DNAH10: variants seen among roughly 807,000 people sequenced by gnomAD.
DNAH10 encodes dynein axonemal heavy chain 10.
Under a neutral mutation model 506.6 loss-of-function variants are expected in DNAH10, and 348 were observed. The ratio of observed to expected loss-of-function variants is 0.69; its 90% confidence interval spans 0.63 to 0.75. The LOEUF is 0.75. Among genes scored for constraint, DNAH10 ranks in the 30% least tolerant of loss-of-function variants. The pLI, the probability that DNAH10 is intolerant of heterozygous loss-of-function variation, is 0.00. For missense variants in DNAH10, 5,179 were observed against 5,787.1 expected (o/e 0.89, Z 3.41); for synonymous variants, 2,059 against 2,198.6 (o/e 0.94, Z 1.78).
chr12:123,789,868 T>C, intron 10 of DNAH10, 59 bp from the exon 11 acceptor site: 3 of 1,489,734 alleles, frequency 2.0e-6, no homozygotes, highest in East Asian at 4.6e-5. Context: ...CATTTGTAGT[T>C]CTAATATTCA....
intron 24 of DNAH10, among the ~76,000 whole-genome samples, chr12:123,826,194 A>G (rs1959975894): frequency 6.6e-6 from 1 of 152,200 alleles, no homozygotes; most frequent in Non-Finnish European, 1.5e-5. Context: ...TCTCTTTACA[A>G]TCATCAAGTA....
intron 21 of DNAH10, among the ~76,000 whole-genome samples, chr12:123,817,134 G>T (rs2136388248): frequency 8.5e-6 from 1 of 117,924 alleles, no homozygotes; most frequent in African/African-American, 3.3e-5. Context: ...CTGCTTTTAA[G>T]AATTTTTTTT....
chr12:123,865,913 A>G, intron 40 of DNAH10, 38 bp from the exon 41 acceptor site: 2 of 1,565,300 alleles, frequency 1.3e-6, no homozygotes, highest in Non-Finnish European at 1.7e-6. Context: ...TATCTTGTGT[A>G]TAGCTATAGC....
Position 123,848,748 on chromosome 12 carries a change from T to C in DNAH10, c.5968T>C (p.Ser1990Pro). The C allele has an allele frequency of 1.2e-6, 2 of 1,613,986 alleles. No individual in the cohort carries two copies. The highest frequency in any genetic ancestry group is 1.1e-5 in the South Asian group (1 of 91,076). Residue 1990 changes from serine to proline, a missense_variant, in exon 34 of 79, where the codon TCT becomes CCT. By Grantham distance (74) the Ser-to-Pro change is moderately conservative. This residue lies in a region of DNAH10 where 4,844 missense variants were observed against 5,430.5 expected (regional missense o/e 0.89). Coordinates refer to ENST00000673944, the MANE Select transcript of DNAH10 (RefSeq NM_001372106.1). ...MDYRAVGKIFSGLAQCGAWGC... is the reference protein window; with the variant it reads ...MDYRAVGKIFPGLAQCGAWGC... ...TTCCTAGGCCGTGGGGAAGATTTTCTCTGGCCTGGCACAGTGCGGGGCTTG... is the reference window on the plus strand; with the variant it reads ...TTCCTAGGCCGTGGGGAAGATTTTCCCTGGCCTGGCACAGTGCGGGGCTTG...
At chr12:123,780,942 CAAA>C (rs376709809) in intron 5 of DNAH10, 135 bp from the exon 6 acceptor site, 2,790 of 331,298 alleles carry the variant, frequency 8.4e-3, no homozygotes, top group South Asian at 0.012. Context: ...GACTCTGTCT[CAAA>C]AAAAAAAAAA....
intron 11 of DNAH10, among the ~76,000 whole-genome samples, chr12:123,792,511 G>A (rs1958119203): frequency 6.8e-6 from 1 of 147,638 alleles, no homozygotes; most frequent in Non-Finnish European, 1.5e-5. Context: ...CCAGGCTGGA[G>A]TGTAATGGCG....
At chr12:123,868,556 G>A (rs1420370968) in intron 43 of DNAH10, among the ~76,000 whole-genome samples, 1 of 152,194 alleles carries the variant, frequency 6.6e-6, no homozygotes, top group Non-Finnish European at 1.5e-5. Context: ...GTGTGGATTT[G>A]TAAATCGTTC....
chr12:123,772,724 T>G, intron 3 of DNAH10, 110 bp from the exon 4 acceptor site: 736 of 787,812 alleles, frequency 9.3e-4, no homozygotes, highest in Non-Finnish European at 1.2e-3. Context: ...TGTCAGAACA[T>G]GAGACCAGCC....
intron 15 of DNAH10, 62 bp downstream of exon 15, chr12:123,800,450 C>G (rs112230996): frequency 6.8e-7 from 1 of 1,478,850 alleles, no homozygotes; most frequent in African/African-American, 1.4e-5. Context: ...CCTTTACGCT[C>G]TTAAAAATTA....
intron 27 of DNAH10, among the ~76,000 whole-genome samples, chr12:123,834,840 G>A (rs922952846): frequency 6.6e-6 from 1 of 152,200 alleles, no homozygotes; most frequent in East Asian, 1.9e-4. Context: ...CCATGTTGTA[G>A]CATGTGTCAG....
At chr12:123,777,360 C>T (rs1031037430) in intron 5 of DNAH10, among the ~76,000 whole-genome samples, 2 of 152,204 alleles carry the variant, frequency 1.3e-5, no homozygotes, top group African/African-American at 4.8e-5. Context: ...GGGAGGGGCC[C>T]GCCGTGCCAC....
In DNAH10 at chr12:123,853,436, T is replaced by C; in HGVS notation, c.6438+84T>C. ...GCCATTGGGGAGGTGATGGGCACAG[T>C]ATGGTATCACCTGAAAGGTTTAAGT... is the stretch of plus-strand genomic sequence containing the variant. On this transcript the variant is annotated intron_variant, in intron 36 of 78. Transcript: ENST00000673944. This position sits in a 1 kb window ranked among gnomAD's most constrained non-coding sequence, Gnocchi z 4.7. 2.7e-6 allele frequency: 4 copies of C among 1,480,992 alleles called. No individual in the cohort carries two copies. In the East Asian group the frequency reaches 9.7e-5, roughly 36 times the overall value. The allele number at this position is 1,480,992 out of a possible 1,614,324, so 91.7% of individuals were successfully genotyped here.
rs374159649 is a variant in DNAH10 at position 123,861,024 on chromosome 12, G to A, written c.6762G>A (p.Thr2254=). 9.3e-6 allele frequency: 15 copies of A among 1,613,820 alleles called. No individual in the cohort carries two copies. The highest frequency in any genetic ancestry group is 8.8e-5 in the South Asian group (8 of 91,074). The change falls in exon 39 of 79, where the codon ACG becomes ACA. Residue 2254 remains threonine, a synonymous_variant. Coordinates refer to ENST00000673944, the MANE Select transcript of DNAH10 (RefSeq NM_001372106.1). ...TCTCTTGATTTAGGCTTGGGCTGAC[G>A]ACAAAGTTGTACATCCTGAACCCCA... The part of the protein sequence containing the change: ...LCQAQTKLGL[T]TKLYILNPKA...
rs1436542638 is a variant in DNAH10 at position 123,935,538 on chromosome 12, C to T, written c.*57C>T. 7.6e-6 allele frequency: 11 copies of T among 1,448,804 alleles called. No individual in the cohort carries two copies. The highest frequency in any genetic ancestry group is 3.8e-5 in the South Asian group (3 of 78,274). The allele number at this position is 1,448,804 out of a possible 1,614,324, so 89.7% of individuals were successfully genotyped here. A position where few individuals can be genotyped will look rare whatever the true frequency, so the allele number is the denominator to read the frequency against. ...CGGAGCCTGGGGTTGTCAGAGTGAT[C>T]GGGTCTGCTGTCATTTCTTGGGGCC... On this transcript the variant is annotated 3_prime_UTR_variant, in exon 79 of 79. Transcript: ENST00000673944.
chr12:123,908,791 C>G (rs1264296833), intron 57 of DNAH10, among the ~76,000 whole-genome samples: 1 of 152,054 alleles, frequency 6.6e-6, no homozygotes, highest in East Asian at 1.9e-4. Flanking sequence ...GTCAGCACAG[C>G]CAGTCATGCA....
In DNAH10 at chr12:123,877,829, C is replaced by G. The variant is rs1410496087; in HGVS notation, c.8293C>G (p.Pro2765Ala). Residue 2765 changes from proline to alanine, a missense_variant, in exon 48 of 79, where the codon CCG becomes GCG. Physicochemically the swap from Pro to Ala is conservative, Grantham distance 27. This residue lies in a region of DNAH10 where 4,844 missense variants were observed against 5,430.5 expected (regional missense o/e 0.89). Transcript: ENST00000673944. Reference protein sequence around the residue: ...KNIVQDLPPTPSKFHYIFNLR... With the variant: ...KNIVQDLPPTASKFHYIFNLR... ...TATTGTGCAAGACCTACCTCCCACT[C>G]CGTCAAAGTTCCATTACATCTTCAA... is the stretch of plus-strand genomic sequence containing the variant. 13 of 1,613,892 alleles carry G rather than the reference C, an allele frequency of 8.1e-6. No individual in the cohort carries two copies. The highest frequency in any genetic ancestry group is 1.6e-4 in the Middle Eastern group (1 of 6,084).
intron 5 of DNAH10, among the ~76,000 whole-genome samples, chr12:123,780,149 TTCTCTCTCTC>T (rs59003958): frequency 7.5e-6 from 1 of 133,238 alleles, no homozygotes; most frequent in African/African-American, 2.9e-5. Flanking sequence ...CCTCCCTCCT[TTCTCTCTCTC>T]TCTCTCTCTC....
rs139090112 is a variant in DNAH10, at chr12:123,827,909, G to A, written c.4391+1011G>A. Among the ~76,000 whole-genome samples, 162 of 152,104 alleles carry A rather than the reference G, an allele frequency of 1.1e-3. 1 individual carries two copies. The highest frequency in any genetic ancestry group is 3.0e-3 in the African/African-American group (126 of 41,476). On this transcript the variant is annotated intron_variant, in intron 25 of 78. Transcript: ENST00000673944. ...GGAGCACTCACCTTTACCTTTGCAG[G>A]CTTCAGTTTCCTCATCTGTAAAACT...
intron 39 of DNAH10, 47 bp from the exon 40 acceptor site, chr12:123,864,548 T>G: frequency 1.9e-6 from 3 of 1,585,906 alleles, no homozygotes; most frequent in Non-Finnish European, 2.6e-6. Flanking sequence ...GTTCCATAAT[T>G]GGAAGCTCTC....
Sources: gnomAD v4.1 joint callset for allele counts (sites outside exome capture counted in the v4.1 genomes callset) on GRCh38, gnomAD v4.1.1 for gene constraint, gnomAD v4.1.1 regional missense constraint, Gnocchi (gnomAD v3.1) non-coding constraint, MANE v1.5 for transcripts, NCBI Gene and HGNC (gene_info 2026-07-23, HGNC 2026-07-21) for gene names.